The following ODF2 variants were observed in gnomAD, a reference collection of about 807,000 sequenced individuals.
ODF2 encodes the protein outer dense fiber protein 2.
ODF2 carries 47 observed loss-of-function variants against 110.2 expected under a neutral mutation model. The observed-to-expected ratio is 0.43, with a 90% CI of 0.34 to 0.54. The LOEUF is 0.54. ODF2 is among the 20% of genes least tolerant of loss of function. ODF2 has a pLI of 0.03. For missense variants in ODF2, 812 were observed against 1,054.5 expected (o/e 0.77, Z 3.19); for synonymous variants, 352 against 397.7 (o/e 0.89, Z 1.37).
chr9:128,488,698 G>A (rs1300461885), intron 14 of ODF2, among the ~76,000 whole-genome samples: 1 of 152,148 alleles, frequency 6.6e-6, no homozygotes, highest in Non-Finnish European at 1.5e-5. Context: ...CCAGTAACAT[G>A]ATGATTATCT....
chr9:128,460,182 C>T (rs1228443187), intron 3 of ODF2: 8 of 1,300,966 alleles, frequency 6.1e-6, no homozygotes, highest in East Asian at 5.3e-5. Flanking sequence ...TAGAAGGATC[C>T]GCCTGCTTTC....
At chr9:128,481,537 T>G in intron 8 of ODF2, 43 bp from the exon 9 acceptor site, 1 of 1,471,518 alleles carries the variant, frequency 6.8e-7, no homozygotes, top group Non-Finnish European at 9.5e-7. Flanking sequence ...CATCTGGGTT[T>G]ATTGCTTAAT....
intron 4 of ODF2, among the ~76,000 whole-genome samples, chr9:128,467,410 T>C (rs1838504730): frequency 6.6e-6 from 1 of 152,104 alleles, no homozygotes; most frequent in Admixed American, 6.6e-5. Context: ...TTTCCTATTT[T>C]TGTCATTTTA....
intron 4 of ODF2, among the ~76,000 whole-genome samples, chr9:128,467,900 C>T (rs755330450): frequency 4.6e-5 from 7 of 152,026 alleles, no homozygotes; most frequent in African/African-American, 1.2e-4. Flanking sequence ...TTAGTAGACA[C>T]GGGGTTTCAG....
intron 8 of ODF2, among the ~76,000 whole-genome samples, chr9:128,481,206 C>G (rs2131969355): frequency 6.6e-6 from 1 of 152,202 alleles, no homozygotes; most frequent in Admixed American, 6.5e-5. Context: ...TGTGGTGGCT[C>G]ACACCTGTAA....
At chr9:128,457,607 A>G (rs1412149014) in intron 2 of ODF2, among the ~76,000 whole-genome samples, 1 of 152,194 alleles carries the variant, frequency 6.6e-6, no homozygotes, top group Non-Finnish European at 1.5e-5. Context: ...ATGTATACAC[A>G]ATCCTAGCTC....
At chr9:128,488,117 C>A in intron 14 of ODF2, 92 bp downstream of exon 14, 1 of 1,446,942 alleles carries the variant, frequency 6.9e-7, no homozygotes, top group East Asian at 2.3e-5. Context: ...GGCATCTTGA[C>A]TAAGAGGGAG....
At chr9:128,484,423 A>C (rs766635249) in intron 11 of ODF2, among the ~76,000 whole-genome samples, 5 of 152,158 alleles carry the variant, frequency 3.3e-5, no homozygotes, top group Non-Finnish European at 7.4e-5. Context: ...TCTGACCACA[A>C]GGCTGGGAGT....
At chr9:128,476,453 A>G (rs1037902930) in intron 8 of ODF2, among the ~76,000 whole-genome samples, 1 of 151,400 alleles carries the variant, frequency 6.6e-6, no homozygotes, top group Non-Finnish European at 1.5e-5. Context: ...ACACCGGGCT[A>G]CTTTTTGTAG....
chr9:128,477,089 C>T (rs1181352896), intron 8 of ODF2, among the ~76,000 whole-genome samples: 1 of 151,402 alleles, frequency 6.6e-6, no homozygotes, highest in Non-Finnish European at 1.5e-5. Context: ...ACTGAAAATA[C>T]AAAAATGTGA....
At chr9:128,487,989 G>A in exon 14 of ODF2, 2 of 1,614,084 alleles carry the variant, frequency 1.2e-6, no homozygotes, top group Non-Finnish European at 1.7e-6. Context: ...AGACTGCTGA[G>A]TATTCCGCAT....
At chr9:128,492,925 C>T in intron 16 of ODF2, 120 bp downstream of exon 16, 1 of 747,476 alleles carries the variant, frequency 1.3e-6, no homozygotes, top group Non-Finnish European at 2.2e-6. Context: ...AAGGTGAGCT[C>T]ATTTTCTCAT....
chr9:128,456,420 G>A (rs1834796455), intron 1 of ODF2, 165 bp downstream of exon 1: 3 of 1,477,232 alleles, frequency 2.0e-6, no homozygotes, highest in Non-Finnish European at 2.7e-6. Flanking sequence ...CCCCCGCCCC[G>A]CCCACCGGCG....
At chr9:128,481,534 G>A in intron 8 of ODF2, 46 bp from the exon 9 acceptor site, 1 of 1,445,038 alleles carries the variant, frequency 6.9e-7, no homozygotes, top group Non-Finnish European at 9.7e-7. Flanking sequence ...AGACATCTGG[G>A]TTTATTGCTT....
At chr9:128,497,930 A>G (rs147331251) in intron 18 of ODF2, 2 of 152,732 alleles carry the variant, frequency 1.3e-5, no homozygotes, top group Non-Finnish European at 2.9e-5. Flanking sequence ...TATTTGCCCT[A>G]TGGCTGGTCA....
At position 128,485,820 on chromosome 9, in the gene ODF2, G is replaced by A. The variant is rs1329958217; in HGVS notation, c.1400+346G>A. ...CACCGTGGTGTCCTCATTCCTATTG[G>A]GGAATGGGGCAGATGGTGACCCGAG... On this transcript the variant is annotated intron_variant, in intron 13 of 20. Transcript: ENST00000604420. The surrounding 1 kb of genome is among the most constrained non-coding windows in gnomAD (Gnocchi z 5.0). Among the ~76,000 whole-genome samples, 4 of 152,092 alleles carry A rather than the reference G, an allele frequency of 2.6e-5. No homozygotes were observed. The highest frequency in any genetic ancestry group is 9.7e-5 in the African/African-American group (4 of 41,412).
In ODF2 at chr9:128,494,003, C is replaced by A. The variant is rs1845148030; in HGVS notation, c.1753-507C>A. On this transcript the variant is annotated intron_variant, in intron 16 of 20. Coordinates refer to ENST00000604420, the Ensembl canonical transcript of ODF2. This position sits in a 1 kb window ranked among gnomAD's most constrained non-coding sequence, Gnocchi z 4.6. ...AGAGACAGGGTTTCACCTTGTTGGC[C>A]AGGGTGGTGTCGAACTCCTGACCTC... Among the ~76,000 whole-genome samples the A allele has an allele frequency of 6.6e-6, 1 of 152,046 alleles. No homozygotes were observed. Among genetic ancestry groups the A allele is most frequent in the Non-Finnish European group, 1.5e-5 (1 of 68,018 alleles).
At chr9:128,456,170 C>G (rs1281855688) in exon 1 of ODF2, 1 of 1,549,246 alleles carries the variant, frequency 6.5e-7, no homozygotes, top group Non-Finnish European at 8.7e-7. Flanking sequence ...ACTGCATCCG[C>G]CGCGGCGTCT....
chr9:128,463,362 T>C (rs926931859), intron 4 of ODF2, among the ~76,000 whole-genome samples: 1 of 151,656 alleles, frequency 6.6e-6, no homozygotes, highest in Non-Finnish European at 1.5e-5. Flanking sequence ...CTTATACCTG[T>C]GATCCCAGCA....
Sources: gnomAD v4.1 joint callset for allele counts (sites outside exome capture counted in the v4.1 genomes callset) on GRCh38, gnomAD v4.1.1 for gene constraint, Gnocchi (gnomAD v3.1) non-coding constraint, MANE v1.5 for transcripts, NCBI Gene and HGNC (gene_info 2026-07-23, HGNC 2026-07-21) for gene names.